Variants in NUP107 observed in about 807,000 individuals in gnomAD.
NUP107 encodes nucleoporin 107, also known as nuclear pore complex protein Nup107.
A neutral mutation model predicts 141.0 loss-of-function variants in NUP107; 101 were observed. That is an observed-to-expected ratio of 0.72 (90% CI 0.61 to 0.84). The LOEUF is 0.84. Ranked by LOEUF, NUP107 falls within the 40% of genes least tolerant of loss-of-function variation. The pLI, the probability that NUP107 is intolerant of heterozygous loss-of-function variation, is 0.00. For missense variants in NUP107, 941 were observed against 1,102.7 expected, an observed-to-expected ratio of 0.85 and a Z score of 2.08; for synonymous variants, 319 against 363.9, an observed-to-expected ratio of 0.88 and a Z score of 1.41.
chr12:68,707,668 A>G (rs1365440624), intron 8 of NUP107, among the ~76,000 whole-genome samples: 6 of 152,222 alleles, frequency 3.9e-5, no homozygotes, highest in Admixed American at 3.9e-4. Context: ...TAAGTGATAT[A>G]ATATAACAAC....
At chr12:68,699,249 T>C (rs1315967028) in intron 6 of NUP107, among the ~76,000 whole-genome samples, 2 of 152,090 alleles carry the variant, frequency 1.3e-5, no homozygotes, top group East Asian at 3.9e-4. Context: ...GGTGGGCACC[T>C]GTAATCCCAG....
At chr12:68,688,602 C>G (rs986950746) in intron 1 of NUP107, among the ~76,000 whole-genome samples, 4 of 152,106 alleles carry the variant, frequency 2.6e-5, no homozygotes, top group African/African-American at 7.2e-5. Context: ...GAGAGAATTC[C>G]TGCAGTTAGG....
chr12:68,688,944 T>C lies in NUP107; in HGVS notation c.9-18T>C. Reference sequence around the variant, plus strand: ...ATATTCTCGTTTCACTTATATAAGCTTGATTATACTACTTTAGGAGTGGCT... The same window carrying C: ...ATATTCTCGTTTCACTTATATAAGCCTGATTATACTACTTTAGGAGTGGCT... On this transcript the variant is annotated intron_variant, in intron 1 of 27. Transcript: ENST00000229179. 1.9e-6 allele frequency: 3 copies of C among 1,579,414 alleles called. No individual in the cohort carries two copies. The highest frequency in any genetic ancestry group is 2.6e-6 in the Non-Finnish European group (3 of 1,153,348).
At chr12:68,742,075 C>A in intron 27 of NUP107, 95 bp downstream of exon 27, 1 of 1,051,696 alleles carries the variant, frequency 9.5e-7, no homozygotes, top group Non-Finnish European at 1.4e-6. Flanking sequence ...TTTGTAATTG[C>A]TCTTGGATTT....
intron 15 of NUP107, 132 bp from the exon 16 acceptor site, chr12:68,721,709 A>AT (rs1430864199): frequency 2.3e-6 from 2 of 873,512 alleles, no homozygotes; most frequent in Non-Finnish European, 3.5e-6. Context: ...ATTTGGCATA[A>AT]TTTTTTTAAA....
intron 10 of NUP107, among the ~76,000 whole-genome samples, chr12:68,710,306 C>T (rs529886516): frequency 6.6e-6 from 1 of 152,202 alleles, no homozygotes; most frequent in East Asian, 1.9e-4. Context: ...TACAGTTGGC[C>T]CTCTGAGTTT....
rs1792211517 is a variant in NUP107, at chr12:68,721,960, A to G, written c.1431A>G (p.Glu477=). The change falls in exon 16 of 28, where the codon GAA becomes GAG. Residue 477 remains glutamate, a synonymous_variant. Coordinates refer to ENST00000229179, the MANE Select transcript of NUP107 (RefSeq NM_020401.4). ...TAGCAACTCTGGATGAAACTGAAGA[A>G]CTCCCTAGAGAATATCTGGGAGCAA... The part of the protein sequence containing the change: ...TSVATLDETE[E]LPREYLGANW... 6.2e-7 allele frequency: 1 copy of G among 1,613,816 alleles called. No individual in the cohort carries two copies. Among genetic ancestry groups the G allele is most frequent in the Non-Finnish European group, 8.5e-7 (1 of 1,179,900 alleles).
intron 20 of NUP107, among the ~76,000 whole-genome samples, chr12:68,727,664 C>T (rs1197057653): frequency 6.6e-6 from 1 of 152,098 alleles, no homozygotes; most frequent in African/African-American, 2.4e-5. Context: ...ATAACATAAA[C>T]ACACAATTAA....
At chr12:68,718,971 C>T (rs1877234902) in intron 12 of NUP107, among the ~76,000 whole-genome samples, 1 of 152,150 alleles carries the variant, frequency 6.6e-6, no homozygotes, top group African/African-American at 2.4e-5. Context: ...TCACTGCAAC[C>T]TCTGCCTCCT....
At chr12:68,700,936 C>T (rs557146715) in intron 7 of NUP107, 83 bp downstream of exon 7, 40 of 1,352,954 alleles carry the variant, frequency 3.0e-5, no homozygotes, top group African/African-American at 5.9e-5. Context: ...TAGGGTAGGT[C>T]GTGCTTGGAA....
intron 4 of NUP107, among the ~76,000 whole-genome samples, chr12:68,690,970 C>T (rs1374941881): frequency 1.3e-5 from 2 of 151,836 alleles, no homozygotes; most frequent in Non-Finnish European, 2.9e-5. Flanking sequence ...ATCCTAGCTG[C>T]TCGGGAGGCT....
chr12:68,705,356 T>A (rs1255998510), intron 8 of NUP107, among the ~76,000 whole-genome samples: 1 of 152,056 alleles, frequency 6.6e-6, no homozygotes, highest in Non-Finnish European at 1.5e-5. Flanking sequence ...TTTCCTGGTT[T>A]TATTATGTTA....
intron 5 of NUP107, among the ~76,000 whole-genome samples, chr12:68,696,349 A>G (rs1876053276): frequency 6.8e-6 from 1 of 146,828 alleles, no homozygotes; most frequent in East Asian, 2.1e-4. Flanking sequence ...TGGGTGACAG[A>G]GTGAGACTCT....
intron 8 of NUP107, chr12:68,707,192 C>T (rs1221922573): frequency 7.0e-6 from 3 of 428,562 alleles, no homozygotes; most frequent in Non-Finnish European, 4.1e-6. Context: ...TCTGCCCACC[C>T]GTGGGGGGAG....
Position 68,716,491 on chromosome 12 carries a change from A to G in NUP107, c.1083+751A>G, listed in dbSNP as rs1372033692. Among the ~76,000 whole-genome samples, 5 of 151,928 alleles carry G rather than the reference A, an allele frequency of 3.3e-5. No homozygotes were observed. In the East Asian group the frequency reaches 9.7e-4, roughly 29 times the overall value. On this transcript the variant is annotated intron_variant, in intron 12 of 27. Coordinates refer to ENST00000229179, the MANE Select transcript of NUP107 (RefSeq NM_020401.4). ...AGTGATCTTCCTGCATTGGCCTCCC[A>G]AAGTGCTGGGATTGCAGGCATGAGC...
intron 15 of NUP107, 24 bp downstream of exon 15, chr12:68,721,201 A>T: frequency 6.6e-7 from 1 of 1,521,974 alleles, no homozygotes; most frequent in Non-Finnish European, 9.0e-7. Flanking sequence ...TTTAATGTTT[A>T]AATTTTTTCT....
chr12:68,695,617 A>G (rs1203663826), intron 5 of NUP107, among the ~76,000 whole-genome samples: 1 of 152,206 alleles, frequency 6.6e-6, no homozygotes, highest in Non-Finnish European at 1.5e-5. Context: ...GGCTGGGGTA[A>G]GTGGAGAGTG....
chr12:68,709,739 AT>A, intron 9 of NUP107, among the ~76,000 whole-genome samples: 1 of 151,966 alleles, frequency 6.6e-6, no homozygotes, highest in African/African-American at 2.4e-5. Context: ...TAAAAAAAAA[AT>A]TAGCTGGGTG....
At chr12:68,711,535 C>CAA (rs36048355) in intron 10 of NUP107, among the ~76,000 whole-genome samples, 31 of 124,472 alleles carry the variant, frequency 2.5e-4, no homozygotes, top group Admixed American at 3.2e-4. Context: ...GACTCCACCT[C>CAA]AAAAAAAAAA....
Sources: gnomAD v4.1 joint callset for allele counts (sites outside exome capture counted in the v4.1 genomes callset) on GRCh38, gnomAD v4.1.1 for gene constraint, MANE v1.5 for transcripts, NCBI Gene and HGNC (gene_info 2026-07-23, HGNC 2026-07-21) for gene names.